GNAO1: variants seen among roughly 807,000 people sequenced by gnomAD.
GNAO1 encodes the protein G protein subunit alpha o1.
For synonymous variants in GNAO1, 164 were observed against 180.7 expected (o/e 0.91, Z 0.74); for missense variants, 166 against 478.7 (o/e 0.35, Z 6.10).
intron 3 of GNAO1, among the ~76,000 whole-genome samples, chr16:56,310,559 G>A (rs1452111512): frequency 6.6e-6 from 1 of 152,164 alleles, no homozygotes; most frequent in African/African-American, 2.4e-5. Flanking sequence ...AAACTCACCT[G>A]TGCTCTTTCA....
intron 6 of GNAO1, chr16:56,344,639 G>A (rs771924040): frequency 1.0e-4 from 102 of 985,554 alleles, no homozygotes; most frequent in Non-Finnish European, 1.1e-4. Context: ...AGATGGTGGC[G>A]TGGAGCGGGG....
intron 2 of GNAO1, chr16:56,194,322 G>C (rs540896349): frequency 4.4e-6 from 2 of 453,140 alleles, no homozygotes; most frequent in South Asian, 1.6e-5. Flanking sequence ...TGTTGCATCT[G>C]TCTGGAGCCC....
chr16:56,262,471 T>C lies in GNAO1; in HGVS notation c.162-13460T>C, dbSNP rs145796044. Among the ~76,000 whole-genome samples, 55 of 152,228 alleles carry C rather than the reference T, an allele frequency of 3.6e-4. 1 individual carries two copies. The highest frequency in any genetic ancestry group is 6.6e-4 in the Non-Finnish European group (45 of 68,022). On this transcript the variant is annotated intron_variant, in intron 2 of 8. Coordinates refer to ENST00000262493, the MANE Select transcript of GNAO1 (RefSeq NM_020988.3). ...GGTCTTTTCTCTTTCCTGTGGTTCA[T>C]GAGAACACATCTAGGCGCTAATGAG... is the stretch of plus-strand genomic sequence containing the variant.
chr16:56,342,973 C>T (rs748364260), intron 6 of GNAO1, among the ~76,000 whole-genome samples: 1 of 151,598 alleles, frequency 6.6e-6, no homozygotes, highest in Non-Finnish European at 1.5e-5. Context: ...ATTAGTGGGG[C>T]GTGGCAGCAC....
chr16:56,275,855 G>A (rs544987119), intron 2 of GNAO1, 76 bp from the exon 3 acceptor site: 115 of 1,308,208 alleles, frequency 8.8e-5, no homozygotes, highest in Non-Finnish European at 1.1e-4. Context: ...GTCAGCCAGT[G>A]CGTCTCATGC....
chr16:56,257,485 C>A (rs1170871123), intron 2 of GNAO1, among the ~76,000 whole-genome samples: 1 of 152,188 alleles, frequency 6.6e-6, no homozygotes, highest in African/African-American at 2.4e-5. Context: ...TAAGTGCAAA[C>A]ATGGACCGTG....
chr16:56,354,768 G>C lies in GNAO1; in HGVS notation c.878-98G>C, dbSNP rs553470430. 35 of 695,330 alleles carry C rather than the reference G, an allele frequency of 5.0e-5. No homozygotes were observed. The highest frequency in any genetic ancestry group is 2.5e-5 in the Admixed American group (1 of 40,722). 43.1% of individuals were successfully genotyped at this position (695,330 alleles called of 1,614,324 possible). A position where few individuals can be genotyped will look rare whatever the true frequency, so the allele number is the denominator to read the frequency against. The stretch of plus-strand genomic sequence containing the variant: ...CCTTCCTGTCTCATCCCACTTCCTG[G>C]GACACGCCACAACCCACTTCTTGTC... On this transcript the variant is annotated intron_variant, in intron 7 of 8. Coordinates refer to ENST00000262493, the MANE Select transcript of GNAO1 (RefSeq NM_020988.3). The surrounding 1 kb of genome is among the most constrained non-coding windows in gnomAD (Gnocchi z 4.3).
intron 3 of GNAO1, among the ~76,000 whole-genome samples, chr16:56,322,603 CTT>C (rs1238744765): frequency 6.6e-6 from 1 of 152,032 alleles, no homozygotes; most frequent in Non-Finnish European, 1.5e-5. Context: ...CTTCCCTCTG[CTT>C]GGGGGCTGGG....
At chr16:56,207,198 A>T (rs547210462) in intron 2 of GNAO1, among the ~76,000 whole-genome samples, 1 of 152,354 alleles carries the variant, frequency 6.6e-6, no homozygotes, top group South Asian at 2.1e-4. Flanking sequence ...AGAAGCATGA[A>T]CTTTGGAGAT....
At chr16:56,275,626 T>C (rs1404544089) in intron 2 of GNAO1, among the ~76,000 whole-genome samples, 1 of 152,224 alleles carries the variant, frequency 6.6e-6, no homozygotes, top group Admixed American at 6.5e-5. Context: ...CTAACATACA[T>C]TGAGTGCTTA....
intron 3 of GNAO1, among the ~76,000 whole-genome samples, chr16:56,296,014 G>C (rs1466375498): frequency 6.6e-6 from 1 of 152,200 alleles, no homozygotes; most frequent in Non-Finnish European, 1.5e-5. Context: ...CTGGAGACAG[G>C]CCATTCCTTG....
At chr16:56,337,347 G>T (rs765548852) in intron 6 of GNAO1, among the ~76,000 whole-genome samples, 1 of 152,208 alleles carries the variant, frequency 6.6e-6, no homozygotes, top group East Asian at 1.9e-4. Context: ...GGAGAGTTGC[G>T]TGGGGTTGGG....
intron 2 of GNAO1, among the ~76,000 whole-genome samples, chr16:56,199,935 T>C (rs533454427): frequency 6.6e-6 from 1 of 152,200 alleles, no homozygotes; most frequent in African/African-American, 2.4e-5. Context: ...CCCCTTACTC[T>C]CTTGATTTGT....
At chr16:56,333,450 T>C (rs975933734) in intron 4 of GNAO1, among the ~76,000 whole-genome samples, 7 of 152,152 alleles carry the variant, frequency 4.6e-5, no homozygotes, top group Admixed American at 2.0e-4. Context: ...GACCTCATGA[T>C]CCGCCCACCT....
In GNAO1 at chr16:56,265,726, G is replaced by A. The variant is rs183934301; in HGVS notation, c.162-10205G>A. Among the ~76,000 whole-genome samples the A allele has an allele frequency of 2.4e-4, 37 of 152,290 alleles. No homozygotes were observed. In the South Asian group the frequency reaches 2.7e-3, roughly 11 times the overall value. On this transcript the variant is annotated intron_variant, in intron 2 of 8. Coordinates refer to ENST00000262493, the MANE Select transcript of GNAO1 (RefSeq NM_020988.3). Reference sequence around the variant, plus strand: ...GGAGGGAAAGCTGCCATTTAAAAGTGATCCACAATTAGAGCAGAACCACTG... The same window carrying A: ...GGAGGGAAAGCTGCCATTTAAAAGTAATCCACAATTAGAGCAGAACCACTG...
chr16:56,355,568 G>T, intron 8 of GNAO1: 1 of 152,412 alleles, frequency 6.6e-6, no homozygotes. Context: ...TTTCAGAAAT[G>T]GCCGAAGCCC....
intron 3 of GNAO1, among the ~76,000 whole-genome samples, chr16:56,324,589 C>T (rs1014211091): frequency 1.2e-4 from 18 of 152,206 alleles, no homozygotes; most frequent in Non-Finnish European, 1.9e-4. Flanking sequence ...CAGGTGGAGG[C>T]GCCACCCCTG....
intron 2 of GNAO1, chr16:56,235,265 C>T (rs1168411109): frequency 2.2e-6 from 1 of 454,296 alleles, no homozygotes; most frequent in Non-Finnish European, 4.4e-6. Flanking sequence ...TCAATCCACT[C>T]AGATCACCTA....
At chr16:56,282,278 G>A (rs1033026770) in intron 3 of GNAO1, among the ~76,000 whole-genome samples, 1 of 152,184 alleles carries the variant, frequency 6.6e-6, no homozygotes, top group Non-Finnish European at 1.5e-5. Context: ...ATTCATATCT[G>A]CCGTAAGAGT....
Sources: allele counts gnomAD v4.1 joint callset (sites outside exome capture counted in the v4.1 genomes callset), GRCh38; gene constraint gnomAD v4.1.1; non-coding constraint Gnocchi (gnomAD v3.1); transcripts MANE v1.5; gene names NCBI Gene and HGNC (gene_info 2026-07-23, HGNC 2026-07-21).